Variants in AFMID observed in about 807,000 individuals in gnomAD.
AFMID encodes the protein arylformamidase, also known as kynurenine formamidase.
In AFMID, 39 loss-of-function variants were observed where a neutral mutation model predicts 47.5. The ratio of observed to expected loss-of-function variants is 0.82; its 90% confidence interval spans 0.64 to 1.07. The LOEUF (loss-of-function observed/expected upper bound fraction) is 1.07. AFMID is among the 50% of genes least tolerant of loss of function. The pLI, the probability that AFMID is intolerant of heterozygous loss-of-function variation, is 0.00. For missense variants in AFMID, 375 were observed against 387.5 expected, an observed-to-expected ratio of 0.97 and a Z score of 0.27; for synonymous variants, 130 against 153.2, an observed-to-expected ratio of 0.85 and a Z score of 1.12.
chr17:78,198,832 A>C (rs1023358163), intron 2 of AFMID, among the ~76,000 whole-genome samples: 3 of 152,012 alleles, frequency 2.0e-5, no homozygotes, highest in Non-Finnish European at 4.4e-5. Flanking sequence ...AAAACAAAAC[A>C]AAACCAAAAC....
At chr17:78,199,316 G>A (rs1745435189) in intron 2 of AFMID, among the ~76,000 whole-genome samples, 1 of 152,002 alleles carries the variant, frequency 6.6e-6, no homozygotes, top group South Asian at 2.1e-4. Flanking sequence ...CCTCTGCCGT[G>A]TTTACCCTTC....
Position 78,204,903 on chromosome 17 carries a change from G to T in AFMID, c.467+3G>T, listed in dbSNP as rs534723435. 1.2e-6 allele frequency: 2 copies of T among 1,614,190 alleles called. No homozygotes were observed. The highest frequency in any genetic ancestry group is 4.5e-5 in the East Asian group (2 of 44,888). On this transcript the variant is annotated splice_donor_region_variant and intron_variant, in intron 6 of 10. Coordinates refer to ENST00000409257, the MANE Select transcript of AFMID (RefSeq NM_001010982.5). ...CAGAAGCGGTATCCAAGCAACAAGT[G>T]GGTGTTGCCAGTAGATTTTCTTCCT...
intron 9 of AFMID, 34 bp from the exon 10 acceptor site, chr17:78,205,912 C>T (rs2076368158): frequency 1.2e-6 from 2 of 1,608,696 alleles, no homozygotes; most frequent in East Asian, 4.5e-5. Flanking sequence ...CCTCCCACTG[C>T]TCAGGCCCCT....
chr17:78,195,990 C>T (rs779189395), intron 2 of AFMID, among the ~76,000 whole-genome samples: 4 of 152,174 alleles, frequency 2.6e-5, no homozygotes, highest in East Asian at 1.9e-4. Flanking sequence ...GTACTACAGG[C>T]GCCCACCACC....
chr17:78,197,292 C>A, intron 2 of AFMID: 1 of 1,307,284 alleles, frequency 7.6e-7, no homozygotes, highest in Non-Finnish European at 1.1e-6. Context: ...CTCACAGTGA[C>A]AAATGCGTCT....
Position 78,187,960 on chromosome 17 carries a change from C to CAAAAAAAAAAAAAAAAAAAAAAA in AFMID, c.63+534_63+556dup, listed in dbSNP as rs34018698. 5.3e-5 allele frequency among the ~76,000 whole-genome samples: 3 copies of CAAAAAAAAAAAAAAAAAAAAAAA among 56,662 alleles called. 1 individual carries two copies. Among genetic ancestry groups the CAAAAAAAAAAAAAAAAAAAAAAA allele is most frequent in the Non-Finnish European group, 9.2e-5 (3 of 32,446 alleles). The allele number at this position is 56,662 out of a possible 152,430, so 37.2% of individuals were successfully genotyped here. ...TGGGCGATAGACCAAGACTTAGTCTCAAAAAAAAAAAAAAAAAAAAAAAAA... is the reference window on the plus strand; with the variant it reads ...TGGGCGATAGACCAAGACTTAGTCTCAAAAAAAAAAAAAAAAAAAAAAAAAAAAAAAAAAAAAAAAAAAAAAAA... On this transcript the variant is annotated intron_variant, in intron 1 of 10. Coordinates refer to ENST00000409257, the MANE Select transcript of AFMID (RefSeq NM_001010982.5).
chr17:78,205,830 A>G (rs1015084293), intron 9 of AFMID, 92 bp downstream of exon 9: 17 of 1,596,246 alleles, frequency 1.1e-5, no homozygotes, highest in Non-Finnish European at 1.4e-5. Context: ...AAGACCCTCC[A>G]TCATTTATTT....
rs748744477 is a variant in AFMID, at chr17:78,204,679, T to C, written c.332T>C (p.Val111Ala). The change falls in exon 5 of 11, where the codon GTC becomes GCC. Residue 111 changes from valine (V) to alanine (A), a missense_variant. Physicochemically the swap from Val to Ala is moderately conservative, Grantham distance 64. Transcript: ENST00000409257. The part of the protein sequence containing the change: ...SGSKDESAFM[V>A]HPLTAQGVAV... ...AGTAAGGATGAGTCTGCCTTCATGGTCCACCCGCTGACGGCACAGGGAGTG... is the reference window on the plus strand; with the variant it reads ...AGTAAGGATGAGTCTGCCTTCATGGCCCACCCGCTGACGGCACAGGGAGTG... The C allele has an allele frequency of 1.2e-5, 19 of 1,614,032 alleles. No individual in the cohort carries two copies. In the South Asian group the frequency reaches 2.1e-4, roughly 18 times the overall value.
chr17:78,199,733 G>A (rs2076202004), intron 2 of AFMID, among the ~76,000 whole-genome samples: 7 of 152,140 alleles, frequency 4.6e-5, no homozygotes, highest in Admixed American at 4.6e-4. Flanking sequence ...GGGCCTCCAG[G>A]GACAGGGATC....
intron 2 of AFMID, among the ~76,000 whole-genome samples, chr17:78,191,315 C>T (rs577161419): frequency 6.6e-6 from 1 of 152,156 alleles, no homozygotes; most frequent in South Asian, 2.1e-4. Flanking sequence ...TCTTGCTCAG[C>T]CATCCATACC....
chr17:78,206,333 T>TG (rs1491366791), intron 10 of AFMID, among the ~76,000 whole-genome samples: 1 of 95,506 alleles, frequency 1.0e-5, no homozygotes, highest in African/African-American at 4.6e-5. Context: ...AGTAAGACTC[T>TG]GTCTCAAAAA....
intron 1 of AFMID, among the ~76,000 whole-genome samples, chr17:78,187,934 C>A (rs1243972766): frequency 8.3e-6 from 1 of 119,938 alleles, no homozygotes; most frequent in Admixed American, 1.1e-4. Context: ...GCCTGGAAGG[C>A]TGGGCGATAG....
intron 2 of AFMID, among the ~76,000 whole-genome samples, chr17:78,196,104 C>A (rs1316831489): frequency 6.6e-6 from 1 of 152,232 alleles, no homozygotes; most frequent in Admixed American, 6.5e-5. Flanking sequence ...TGGCTCATCC[C>A]TGTAATCCCA....
intron 9 of AFMID, 84 bp from the exon 10 acceptor site, chr17:78,205,862 G>A: frequency 6.3e-7 from 1 of 1,594,506 alleles, no homozygotes; most frequent in South Asian, 1.1e-5. Flanking sequence ...AGTGAACCCT[G>A]ACCTGTGCCA....
rs768674414 is a variant in AFMID at position 78,204,778 on chromosome 17, G to A, written c.394+37G>A. 3 of 1,614,172 alleles carry A rather than the reference G, an allele frequency of 1.9e-6. No homozygotes were observed. In the Admixed American group the frequency reaches 5.0e-5, roughly 27 times the overall value. On this transcript the variant is annotated intron_variant, in intron 5 of 10. Coordinates refer to ENST00000409257, the MANE Select transcript of AFMID (RefSeq NM_001010982.5). Reference sequence around the variant, plus strand: ...GGTTGCTGCAGGTCCGAGGGCCGGTGGGCTTTAGGAGGAAGTGCATCCCTG... The same window carrying A: ...GGTTGCTGCAGGTCCGAGGGCCGGTAGGCTTTAGGAGGAAGTGCATCCCTG...
rs1440049534 is a variant in AFMID at position 78,205,176 on chromosome 17, C to T, written c.551C>T (p.Thr184Met). The change falls in exon 7 of 11, where the codon ACG becomes ATG. Residue 184 changes from threonine to methionine, a missense_variant. Thr to Met is a moderately conservative substitution (Grantham distance 81). Transcript: ENST00000409257. The stretch of plus-strand genomic sequence containing the variant: ...GCCGACTGGACCAAGCATGGGGTCA[C>T]GCCCAACCTCAGAGGTTTCCATGGG... ...LLADWTKHGV[T>M]PNLRGFFLVS... is the part of the protein sequence containing the mutation. 20 of 1,611,804 alleles carry T rather than the reference C, an allele frequency of 1.2e-5. No individual in the cohort carries two copies. Among genetic ancestry groups the T allele is most frequent in the East Asian group, 4.5e-5 (2 of 44,828 alleles).
rs184934087 is a variant in AFMID at position 78,200,589 on chromosome 17, G to A, written c.155-1910G>A. Among the ~76,000 whole-genome samples the A allele has an allele frequency of 1.3e-3, 200 of 149,036 alleles. 1 individual carries two copies. Among genetic ancestry groups the A allele is most frequent in the African/African-American group, 4.8e-3 (184 of 38,710 alleles). On this transcript the variant is annotated intron_variant, in intron 2 of 10. Coordinates refer to ENST00000409257, the MANE Select transcript of AFMID (RefSeq NM_001010982.5). ...GAGGGACACACAGGGAGGGGACCACGTGAAGACGGAGGCAGAGACGGGAAG... is the reference window on the plus strand; with the variant it reads ...GAGGGACACACAGGGAGGGGACCACATGAAGACGGAGGCAGAGACGGGAAG...
At chr17:78,201,448 G>A (rs1203881883) in intron 2 of AFMID, among the ~76,000 whole-genome samples, 2 of 151,928 alleles carry the variant, frequency 1.3e-5, no homozygotes, top group African/African-American at 4.8e-5. Context: ...GTGAAACCCC[G>A]TCTCTACTAA....
Position 78,206,004 on chromosome 17 carries a change from T to A in AFMID, c.839T>A (p.Phe280Tyr). The A allele has an allele frequency of 6.2e-7, 1 of 1,613,948 alleles. No individual in the cohort carries two copies. Among genetic ancestry groups the A allele is most frequent in the Non-Finnish European group, 8.5e-7 (1 of 1,179,986 alleles). ...SFEELHDVDH[F>Y]EIVENLTQKD... Reference sequence around the variant, plus strand: ...GAAGAGCTCCACGATGTGGACCACTTTGAAATTGTTGAGAATCTGACCCAG... The same window carrying A: ...GAAGAGCTCCACGATGTGGACCACTATGAAATTGTTGAGAATCTGACCCAG... The change falls in exon 10 of 11, where the codon TTT (phenylalanine) becomes TAT (tyrosine). Residue 280 changes from phenylalanine (F) to tyrosine (Y), a missense_variant. Phe to Tyr is a conservative substitution (Grantham distance 22). Coordinates refer to ENST00000409257, the MANE Select transcript of AFMID (RefSeq NM_001010982.5).
Sources: gnomAD v4.1 joint callset for allele counts (sites outside exome capture counted in the v4.1 genomes callset) on GRCh38, gnomAD v4.1.1 for gene constraint, MANE v1.5 for transcripts, NCBI Gene and HGNC (gene_info 2026-07-23, HGNC 2026-07-21) for gene names.